The following MALAT1 variants were observed in gnomAD, a reference collection of about 807,000 sequenced individuals.
MALAT1 encodes hepcarcin.
At chr11:65,502,346 T>C (rs1192558167) in exon 3 of MALAT1, 1 of 514,306 alleles carries the variant, frequency 1.9e-6, no homozygotes, top group East Asian at 5.5e-5. Context: ...GGAAGTGGCT[T>C]AATGATCCTG....
At chr11:65,504,430 C>T (rs758787815) in intron 3 of MALAT1, 3 of 518,478 alleles carry the variant, frequency 5.8e-6, no homozygotes, top group Non-Finnish European at 1.2e-5. Context: ...CATTGTGAAA[C>T]GACTGGAGTA....
At chr11:65,502,424 AAG>A (rs1449283521) in exon 3 of MALAT1, 1 of 503,546 alleles carries the variant, frequency 2.0e-6, no homozygotes, top group East Asian at 5.5e-5. Context: ...GTGTGTAAGC[AAG>A]TTTTTTTTTA....
chr11:65,497,918 C>G (rs1240784939), intron 1 of MALAT1: 2 of 518,792 alleles, frequency 3.9e-6, no homozygotes, highest in South Asian at 2.8e-5. Context: ...GTCCTTGGGA[C>G]GCAGCGACGA....
intron 3 of MALAT1, chr11:65,505,340 T>G (rs781394160): frequency 5.8e-6 from 3 of 518,756 alleles, no homozygotes; most frequent in Non-Finnish European, 1.2e-5. Context: ...CTCAACTCCC[T>G]CTTTCTGGAG....
exon 3 of MALAT1, chr11:65,499,273 G>GA (rs757287581): frequency 1.2e-5 from 6 of 513,696 alleles, no homozygotes; most frequent in Non-Finnish European, 1.9e-5. Flanking sequence ...CATGAGGAAG[G>GA]AAAAGATAAA....
intron 3 of MALAT1, chr11:65,504,209 G>C: frequency 1.9e-6 from 1 of 517,542 alleles, no homozygotes; most frequent in Non-Finnish European, 3.9e-6. Context: ...CTGTTCTAGT[G>C]AGTGTATGAG....
exon 3 of MALAT1, chr11:65,500,156 T>C (rs1046121723): frequency 9.9e-6 from 5 of 503,992 alleles, no homozygotes; most frequent in Non-Finnish European, 2.0e-5. Context: ...AAAAATCACA[T>C]CAAAAAGCTA....
At chr11:65,505,702 T>C (rs758025705) in intron 3 of MALAT1, 1 of 518,890 alleles carries the variant, frequency 1.9e-6, no homozygotes, top group Non-Finnish European at 3.8e-6. Flanking sequence ...TTGAACTATG[T>C]TAGAAAAGGC....
exon 1 of MALAT1, chr11:65,497,796 G>T (rs760613859): frequency 2.0e-6 from 1 of 500,532 alleles, no homozygotes; most frequent in East Asian, 5.5e-5. Context: ...GGCCTCTCCT[G>T]CCCTCTTAAG....
At chr11:65,498,923 G>A (rs1346377193) in intron 2 of MALAT1, 1 of 518,830 alleles carries the variant, frequency 1.9e-6, no homozygotes, top group Non-Finnish European at 3.8e-6. Context: ...AGTAAAACTA[G>A]AACCTATTTT....
At chr11:65,499,566 C>T (rs1489737080) in exon 3 of MALAT1, 1 of 455,392 alleles carries the variant, frequency 2.2e-6, no homozygotes, top group South Asian at 1.6e-5. Flanking sequence ...TCATTTAAAG[C>T]CTAGTTAACG....
At chr11:65,505,327 T>TG (rs1854657720) in intron 3 of MALAT1, 1 of 518,886 alleles carries the variant, frequency 1.9e-6, no homozygotes. Flanking sequence ...AATGAGGACT[T>TG]GCCTCAACTC....
exon 3 of MALAT1, chr11:65,499,551 T>A (rs11540775): frequency 2.2e-6 from 1 of 457,428 alleles, no homozygotes; most frequent in South Asian, 1.6e-5. Flanking sequence ...GCAGGGAGAA[T>A]TGCGTCATTT....
At chr11:65,501,739 G>A (rs772760807) in exon 3 of MALAT1, 4 of 518,866 alleles carry the variant, frequency 7.7e-6, no homozygotes, top group South Asian at 5.6e-5. Flanking sequence ...TGCAGCTTTG[G>A]TTCATATTCA....
intron 3 of MALAT1, chr11:65,504,232 G>GT (rs777146046): frequency 1.4e-5 from 7 of 514,146 alleles, no homozygotes; most frequent in Non-Finnish European, 2.3e-5. Flanking sequence ...CTTGCAGTGA[G>GT]TTTATCAGCA....
exon 3 of MALAT1, chr11:65,499,413 T>C (rs752928066): frequency 1.7e-5 from 8 of 483,510 alleles, no homozygotes; most frequent in Non-Finnish European, 2.9e-5. Context: ...TGCTTTTAGA[T>C]TAAAATGAAG....
In MALAT1 at chr11:65,505,921, A is replaced by ATTTT. The variant is rs756187983; in HGVS notation, n.5169-338_5169-337insTTTT. ...TGGCTGAGAGGGCTTTTGGGTGGGA[A>ATTTT]TGCAAAAATTCTCTGCTAAGACTTT... On this transcript the variant is annotated intron_variant and non_coding_transcript_variant, in intron 3 of 3. Coordinates refer to ENST00000619449, the Ensembl canonical transcript of MALAT1. 22 of 433,692 alleles carry ATTTT rather than the reference A, an allele frequency of 5.1e-5. No homozygotes were observed. In the Admixed American group the frequency reaches 5.5e-4, roughly 11 times the overall value. The allele number at this position is 433,692 out of a possible 1,614,324, so 26.9% of individuals were successfully genotyped here.
exon 3 of MALAT1, chr11:65,502,169 A>G (rs1401422996): frequency 1.4e-5 from 7 of 516,818 alleles, no homozygotes; most frequent in Middle Eastern, 3.2e-4. Context: ...GCTTTTGGGG[A>G]AGGAAAGTAT....
chr11:65,500,287 G>C (rs768517935), exon 3 of MALAT1: 7 of 518,668 alleles, frequency 1.3e-5, no homozygotes, highest in Non-Finnish European at 1.9e-5. Flanking sequence ...CTTTCGTAAC[G>C]GAAGTAATTC....
Sources: allele counts gnomAD v4.1 joint callset, GRCh38; gene constraint gnomAD v4.1.1; transcripts MANE v1.5; gene names NCBI Gene and HGNC (gene_info 2026-07-23, HGNC 2026-07-21).